The following CCSER1 variants were observed in gnomAD, a reference collection of about 807,000 sequenced individuals.
CCSER1 encodes the protein serine-rich coiled-coil domain-containing protein 1.
In CCSER1, 41 loss-of-function variants were observed where a neutral mutation model predicts 82.0. The ratio of observed to expected loss-of-function variants is 0.50; its 90% confidence interval spans 0.39 to 0.65. CCSER1 has a LOEUF of 0.65. Among genes scored for constraint, CCSER1 ranks in the 30% least tolerant of loss-of-function variants. The pLI is 0.00. For missense variants in CCSER1, 1,119 were observed against 1,064.2 expected, an observed-to-expected ratio of 1.05 and a Z score of -0.72; for synonymous variants, 414 against 383.9, an observed-to-expected ratio of 1.08 and a Z score of -0.92.
chr4:90,904,064 A>C (rs115405121), intron 8 of CCSER1, among the ~76,000 whole-genome samples: 2 of 151,968 alleles, frequency 1.3e-5, no homozygotes, highest in African/African-American at 4.8e-5. Flanking sequence ...AGATCTTTTT[A>C]TATGTTTATT....
intron 10 of CCSER1, among the ~76,000 whole-genome samples, chr4:91,299,831 G>T (rs1158614857): frequency 1.3e-5 from 2 of 149,738 alleles, no homozygotes; most frequent in Non-Finnish European, 3.0e-5. Context: ...GTTGTTAAAT[G>T]CTGTTACTAA....
At chr4:90,467,161 C>T (rs28791543) in intron 4 of CCSER1, among the ~76,000 whole-genome samples, 10,183 of 151,470 alleles carry the variant, frequency 0.067, 429 homozygotes, top group African/African-American at 0.1. Flanking sequence ...TGGAGGTGGG[C>T]GTATCATGAG....
At chr4:90,616,926 T>A (rs923493866) in intron 5 of CCSER1, among the ~76,000 whole-genome samples, 1 of 151,778 alleles carries the variant, frequency 6.6e-6, no homozygotes, top group Non-Finnish European at 1.5e-5. Flanking sequence ...CTGAAGGGAG[T>A]GGAAATGTTA....
intron 6 of CCSER1, among the ~76,000 whole-genome samples, chr4:90,706,914 C>T (rs1739459878): frequency 6.6e-6 from 1 of 152,088 alleles, no homozygotes; most frequent in Non-Finnish European, 1.5e-5. Context: ...AGCATAAGCT[C>T]AATAGTGGAT....
At chr4:90,807,004 A>G (rs1173703142) in intron 7 of CCSER1, among the ~76,000 whole-genome samples, 3 of 151,982 alleles carry the variant, frequency 2.0e-5, no homozygotes, top group Non-Finnish European at 4.4e-5. Context: ...TAAGTGACAT[A>G]TTATGCAAGA....
At chr4:91,321,310 G>A (rs1025611065) in intron 10 of CCSER1, among the ~76,000 whole-genome samples, 15 of 151,986 alleles carry the variant, frequency 9.9e-5, no homozygotes, top group African/African-American at 3.1e-4. Flanking sequence ...GAATGAGAGA[G>A]GACCTATAAT....
chr4:90,454,042 C>T (rs1284736337), intron 4 of CCSER1, among the ~76,000 whole-genome samples: 1 of 152,122 alleles, frequency 6.6e-6, no homozygotes, highest in Non-Finnish European at 1.5e-5. Flanking sequence ...GGATAGTCTT[C>T]CCTCCAGTGG....
chr4:90,233,895 GAC>G (rs1745224153), intron 1 of CCSER1, among the ~76,000 whole-genome samples: 2 of 151,972 alleles, frequency 1.3e-5, no homozygotes, highest in Non-Finnish European at 2.9e-5. Context: ...TCATTTATTG[GAC>G]ACAATTAAAT....
At chr4:91,296,905 G>A (rs1744224083) in intron 10 of CCSER1, among the ~76,000 whole-genome samples, 3 of 151,110 alleles carry the variant, frequency 2.0e-5, no homozygotes, top group Non-Finnish European at 4.4e-5. Flanking sequence ...TTTTTATCTG[G>A]TTTCTTTTTC....
At chr4:90,656,945 C>T (rs1449105777) in intron 6 of CCSER1, among the ~76,000 whole-genome samples, 2 of 151,910 alleles carry the variant, frequency 1.3e-5, no homozygotes, top group Non-Finnish European at 2.9e-5. Context: ...TTTACATCTT[C>T]AGTTATGTAT....
intron 9 of CCSER1, among the ~76,000 whole-genome samples, chr4:90,949,464 TG>T (rs1732649902): frequency 6.6e-6 from 1 of 152,062 alleles, no homozygotes; most frequent in Non-Finnish European, 1.5e-5. Flanking sequence ...GTGTAGGGTG[TG>T]TCACAATGAT....
intron 1 of CCSER1, among the ~76,000 whole-genome samples, chr4:90,196,570 T>C (rs189504488): frequency 1.8e-3 from 276 of 151,894 alleles, no homozygotes; most frequent in Non-Finnish European, 3.4e-3. Flanking sequence ...TTCTGGATAC[T>C]GCACCTTTCT....
intron 3 of CCSER1, among the ~76,000 whole-genome samples, chr4:90,340,071 C>T (rs548464609): frequency 1.0e-3 from 153 of 152,190 alleles, no homozygotes; most frequent in African/African-American, 3.6e-3. Context: ...TCCTTAGTGA[C>T]AATTAAAAAT....
intron 5 of CCSER1, among the ~76,000 whole-genome samples, chr4:90,619,683 A>G (rs2148870068): frequency 6.6e-6 from 1 of 152,238 alleles, no homozygotes; most frequent in East Asian, 1.9e-4. Flanking sequence ...TTACAGGCAT[A>G]CAATACCTCC....
chr4:91,237,510 CTTCT>C (rs1197333524), intron 10 of CCSER1, among the ~76,000 whole-genome samples: 2 of 152,008 alleles, frequency 1.3e-5, no homozygotes, highest in East Asian at 3.8e-4. Flanking sequence ...AATTTTTTAA[CTTCT>C]TTTTCTCTCA....
chr4:90,531,636 A>G (rs1449417913), intron 5 of CCSER1, among the ~76,000 whole-genome samples: 1 of 152,146 alleles, frequency 6.6e-6, no homozygotes, highest in Non-Finnish European at 1.5e-5. Context: ...GATAGTCAGG[A>G]CACACTTGCT....
At chr4:90,264,293 T>C (rs965048963) in intron 1 of CCSER1, among the ~76,000 whole-genome samples, 11 of 152,200 alleles carry the variant, frequency 7.2e-5, no homozygotes, top group African/African-American at 2.4e-4. Context: ...TTGCACTTTT[T>C]ACATGTTCTG....
chr4:90,501,514 G>C (rs1051122613), intron 5 of CCSER1, among the ~76,000 whole-genome samples: 6 of 152,124 alleles, frequency 3.9e-5, no homozygotes, highest in South Asian at 2.1e-4. Flanking sequence ...ACAACAACCA[G>C]CTTTGTCCTC....
chr4:91,149,459 C>T (rs1729907457), intron 10 of CCSER1, among the ~76,000 whole-genome samples: 1 of 152,134 alleles, frequency 6.6e-6, no homozygotes, highest in Non-Finnish European at 1.5e-5. Flanking sequence ...GTTTCTTTTG[C>T]TGTGCAGAAG....
Sources: allele counts gnomAD v4.1 joint callset (sites outside exome capture counted in the v4.1 genomes callset), GRCh38; gene constraint gnomAD v4.1.1; transcripts MANE v1.5; gene names NCBI Gene and HGNC (gene_info 2026-07-23, HGNC 2026-07-21).